CNTNAP5: variants seen among roughly 807,000 people sequenced by gnomAD.
CNTNAP5 encodes the protein contactin associated protein family member 5, also known as contactin-associated protein-like 5.
In CNTNAP5, 72 loss-of-function variants were observed where a neutral mutation model predicts 150.2. The ratio of observed to expected loss-of-function variants is 0.48; its 90% CI spans 0.40 to 0.58. The LOEUF is 0.58. CNTNAP5 is among the 20% of genes least tolerant of loss of function. The pLI, the probability that CNTNAP5 is intolerant of heterozygous loss-of-function variation, is 0.00. For synonymous variants in CNTNAP5, 672 were observed against 619.8 expected, an observed-to-expected ratio of 1.08 and a Z score of -1.25; for missense variants, 1,636 against 1,626.2, an observed-to-expected ratio of 1.01 and a Z score of -0.10.
At chr2:124,109,041 T>C (rs17213203) in intron 1 of CNTNAP5, among the ~76,000 whole-genome samples, 14,277 of 152,142 alleles carry the variant, frequency 0.094, 791 homozygotes, top group Non-Finnish European at 0.13. Flanking sequence ...AGCAAGCAAG[T>C]GGATCCCAAA....
chr2:124,434,880 G>A (rs552933880), intron 5 of CNTNAP5, among the ~76,000 whole-genome samples, 193 bp downstream of exon 5: 31 of 152,314 alleles, frequency 2.0e-4, no homozygotes, highest in African/African-American at 7.0e-4. Context: ...TGTAGGGAGA[G>A]TTGCAAACTC....
At chr2:124,494,840 T>A (rs1191455957) in intron 7 of CNTNAP5, among the ~76,000 whole-genome samples, 1 of 152,246 alleles carries the variant, frequency 6.6e-6, no homozygotes, top group Non-Finnish European at 1.5e-5. Context: ...CAATTACTGA[T>A]CCTGAATATT....
chr2:124,914,188 TGAA>T lies in CNTNAP5; in HGVS notation c.3826_3828del (p.Lys1276del). On this transcript the variant is annotated inframe_deletion, in exon 24 of 24. Coordinates refer to ENST00000682447, the MANE Select transcript of CNTNAP5 (RefSeq NM_001367498.1). ...AAGCAGTCACATCGTACGAGCCAGA[TGAA>T]GGAGAAGGAATATCCAGAAAATTTG... 6.2e-7 allele frequency: 1 copy of T among 1,612,516 alleles called. No individual in the cohort carries two copies.
intron 3 of CNTNAP5, among the ~76,000 whole-genome samples, chr2:124,320,394 A>G (rs1689070276): frequency 6.6e-6 from 1 of 152,190 alleles, no homozygotes; most frequent in Non-Finnish European, 1.5e-5. Context: ...CATTTCCCTG[A>G]CTAATAGTAA....
At chr2:124,711,219 A>C (rs1210242128) in intron 13 of CNTNAP5, among the ~76,000 whole-genome samples, 1 of 151,966 alleles carries the variant, frequency 6.6e-6, no homozygotes, top group Non-Finnish European at 1.5e-5. Flanking sequence ...TGTGGTGAAC[A>C]GAGTTCACAC....
chr2:124,289,539 T>G (rs1036168299), intron 3 of CNTNAP5, among the ~76,000 whole-genome samples: 3 of 152,224 alleles, frequency 2.0e-5, no homozygotes, highest in Non-Finnish European at 2.9e-5. Flanking sequence ...ATAAGAAAAT[T>G]GTTTCAGCAT....
intron 2 of CNTNAP5, among the ~76,000 whole-genome samples, chr2:124,233,154 C>T (rs1686665997): frequency 6.6e-6 from 1 of 151,862 alleles, no homozygotes; most frequent in Admixed American, 6.6e-5. Context: ...TCAACAATAC[C>T]ATCCTCAGTG....
chr2:124,906,376 A>G (rs1241413935), intron 22 of CNTNAP5, among the ~76,000 whole-genome samples: 1 of 152,108 alleles, frequency 6.6e-6, no homozygotes, highest in Admixed American at 6.6e-5. Context: ...GATGTTTGAT[A>G]AAGCTCCCAT....
At chr2:124,363,577 A>G (rs755444784) in intron 3 of CNTNAP5, among the ~76,000 whole-genome samples, 1 of 152,236 alleles carries the variant, frequency 6.6e-6, no homozygotes, top group South Asian at 2.1e-4. Flanking sequence ...CAAAAAATAT[A>G]AACAGAATTA....
intron 10 of CNTNAP5, among the ~76,000 whole-genome samples, chr2:124,543,569 G>C (rs969420888): frequency 6.6e-6 from 1 of 152,138 alleles, no homozygotes; most frequent in Non-Finnish European, 1.5e-5. Context: ...CATGTCGGCT[G>C]TTTATCTGAA....
intron 18 of CNTNAP5, among the ~76,000 whole-genome samples, chr2:124,795,905 G>A (rs916198516): frequency 6.6e-6 from 1 of 152,050 alleles, no homozygotes; most frequent in African/African-American, 2.4e-5. Context: ...CTCAAGGGGT[G>A]TTGTTGATAG....
chr2:124,214,337 C>A (rs976277085), intron 1 of CNTNAP5, among the ~76,000 whole-genome samples: 1 of 152,164 alleles, frequency 6.6e-6, no homozygotes, highest in Non-Finnish European at 1.5e-5. Flanking sequence ...AATCCCAGAG[C>A]CCTCTTGTTA....
At chr2:124,199,690 C>T (rs1020029049) in intron 1 of CNTNAP5, among the ~76,000 whole-genome samples, 1 of 152,324 alleles carries the variant, frequency 6.6e-6, no homozygotes. Flanking sequence ...GCTGGGATTA[C>T]AGGCATGAGC....
intron 4 of CNTNAP5, among the ~76,000 whole-genome samples, chr2:124,429,615 C>A (rs754042079): frequency 6.6e-6 from 1 of 152,180 alleles, no homozygotes; most frequent in African/African-American, 2.4e-5. Context: ...TCTCTGAGAA[C>A]AGCAAAGTGT....
intron 1 of CNTNAP5, among the ~76,000 whole-genome samples, chr2:124,054,681 C>G (rs909544546): frequency 1.3e-5 from 2 of 152,166 alleles, no homozygotes; most frequent in Non-Finnish European, 2.9e-5. Context: ...ATCTTGGTAA[C>G]CCATGATTAC....
intron 1 of CNTNAP5, among the ~76,000 whole-genome samples, chr2:124,098,690 A>G (rs1297493174): frequency 1.3e-5 from 2 of 152,158 alleles, no homozygotes; most frequent in African/African-American, 4.8e-5. Context: ...CAAGCCCACC[A>G]GAGCCTGAGC....
At chr2:124,164,324 C>T (rs578060390) in intron 1 of CNTNAP5, among the ~76,000 whole-genome samples, 5 of 152,274 alleles carry the variant, frequency 3.3e-5, no homozygotes, top group South Asian at 4.1e-4. Flanking sequence ...AAGGCATGTG[C>T]CATTGATTAA....
intron 3 of CNTNAP5, among the ~76,000 whole-genome samples, chr2:124,243,893 G>C (rs938482935): frequency 4.6e-5 from 7 of 152,030 alleles, no homozygotes; most frequent in African/African-American, 1.7e-4. Flanking sequence ...AATTATTACA[G>C]GTTTTCATTT....
At chr2:124,647,649 C>T (rs918079995) in intron 12 of CNTNAP5, 109 bp from the exon 13 acceptor site, 26 of 956,270 alleles carry the variant, frequency 2.7e-5, no homozygotes, top group Admixed American at 5.5e-5. Context: ...CATACGGTAC[C>T]GGAGTGTTGA....
Sources: allele counts gnomAD v4.1 joint callset (sites outside exome capture counted in the v4.1 genomes callset), GRCh38; gene constraint gnomAD v4.1.1; transcripts MANE v1.5; gene names NCBI Gene and HGNC (gene_info 2026-07-23, HGNC 2026-07-21).